FAM219A: variants seen among roughly 807,000 people sequenced by gnomAD.
FAM219A encodes protein FAM219A.
In FAM219A, 7 loss-of-function variants were observed where a neutral mutation model predicts 23.4. The ratio of observed to expected loss-of-function variants is 0.30; its 90% confidence interval spans 0.17 to 0.56. The LOEUF (loss-of-function observed/expected upper bound fraction) is 0.56. Ranked by LOEUF, FAM219A falls within the 20% of genes least tolerant of loss-of-function variation. The pLI is 0.92. For synonymous variants in FAM219A, 93 were observed against 99.0 expected (o/e 0.94, Z 0.36); for missense variants, 166 against 246.9 (o/e 0.67, Z 2.20).
intron 1 of FAM219A, among the ~76,000 whole-genome samples, chr9:34,454,788 A>G (rs191270529): frequency 1.8e-4 from 27 of 152,252 alleles, no homozygotes; most frequent in African/African-American, 6.5e-4. Flanking sequence ...TTCTCTTTCA[A>G]TTAAATAATT....
At chr9:34,413,469 A>G (rs1160406089) in intron 1 of FAM219A, among the ~76,000 whole-genome samples, 1 of 152,148 alleles carries the variant, frequency 6.6e-6, no homozygotes, top group Non-Finnish European at 1.5e-5. Context: ...TGGCCTGAAC[A>G]TGATAATCCA....
At chr9:34,419,544 T>C (rs752480834) in intron 1 of FAM219A, among the ~76,000 whole-genome samples, 3 of 152,170 alleles carry the variant, frequency 2.0e-5, no homozygotes, top group Non-Finnish European at 4.4e-5. Flanking sequence ...AGGAGAATAC[T>C]GCCCAGGAAT....
At chr9:34,451,256 A>G (rs1823551854) in intron 1 of FAM219A, among the ~76,000 whole-genome samples, 1 of 152,130 alleles carries the variant, frequency 6.6e-6, no homozygotes, top group Non-Finnish European at 1.5e-5. Context: ...GCCAATTTCT[A>G]AACTCCAGAG....
intron 4 of FAM219A, 37 bp downstream of exon 4, chr9:34,402,350 T>C (rs1281368044): frequency 1.2e-6 from 2 of 1,614,072 alleles, no homozygotes; most frequent in African/African-American, 1.3e-5. Context: ...ACAGGTTCCT[T>C]TGGGCTGCCC....
intron 1 of FAM219A, among the ~76,000 whole-genome samples, chr9:34,423,759 T>C: frequency 6.6e-6 from 1 of 151,716 alleles, no homozygotes; most frequent in East Asian, 1.9e-4. Flanking sequence ...TCAGTGTCAG[T>C]GGGGTTGGAA....
chr9:34,412,447 C>G (rs1221517092), intron 1 of FAM219A, among the ~76,000 whole-genome samples: 1 of 152,088 alleles, frequency 6.6e-6, no homozygotes, highest in Non-Finnish European at 1.5e-5. Flanking sequence ...CAGATGAGTT[C>G]ATTTGGGAAC....
intron 1 of FAM219A, among the ~76,000 whole-genome samples, chr9:34,428,082 G>A (rs541991505): frequency 2.6e-5 from 4 of 152,278 alleles, no homozygotes; most frequent in East Asian, 3.9e-4. Flanking sequence ...TACTGAGTTC[G>A]GAAGAATGGG....
chr9:34,410,287 G>A (rs1405276597), intron 1 of FAM219A, among the ~76,000 whole-genome samples: 1 of 152,202 alleles, frequency 6.6e-6, no homozygotes, highest in Middle Eastern at 3.2e-3. Flanking sequence ...TGTGGGTAGT[G>A]CAGTCAATAC....
intron 1 of FAM219A, among the ~76,000 whole-genome samples, chr9:34,428,839 A>G (rs1822585348): frequency 6.6e-6 from 1 of 152,262 alleles, no homozygotes; most frequent in Non-Finnish European, 1.5e-5. Context: ...GTGCATTAAA[A>G]GAGCCTGTGC....
chr9:34,425,308 C>T (rs1043640450), intron 1 of FAM219A, among the ~76,000 whole-genome samples: 5 of 151,926 alleles, frequency 3.3e-5, no homozygotes, highest in South Asian at 4.2e-4. Context: ...GGTGCAACCC[C>T]GTCTCTACCA....
intron 1 of FAM219A, among the ~76,000 whole-genome samples, chr9:34,423,627 T>C (rs1030917617): frequency 1.3e-5 from 2 of 152,180 alleles, no homozygotes; most frequent in Non-Finnish European, 2.9e-5. Context: ...TTTCAGCCCA[T>C]TGTCAGATTT....
chr9:34,414,914 C>A (rs543905458), intron 1 of FAM219A, among the ~76,000 whole-genome samples: 1 of 152,288 alleles, frequency 6.6e-6, no homozygotes, highest in South Asian at 2.1e-4. Flanking sequence ...AGGAAAGCAT[C>A]TTTTCTCTTT....
chr9:34,423,663 G>A (rs1822358821), intron 1 of FAM219A, among the ~76,000 whole-genome samples: 1 of 152,202 alleles, frequency 6.6e-6, no homozygotes, highest in South Asian at 2.1e-4. Flanking sequence ...TCTGGGAGCA[G>A]GTCCAAGGAA....
intron 1 of FAM219A, among the ~76,000 whole-genome samples, chr9:34,442,085 C>T (rs547750534): frequency 3.5e-4 from 53 of 152,276 alleles, no homozygotes; most frequent in African/African-American, 1.2e-3. Context: ...TTATGTGCTT[C>T]CTGGTATGAA....
intron 1 of FAM219A, among the ~76,000 whole-genome samples, chr9:34,441,132 CCCAGCTAAA>C (rs1410475285): frequency 1.3e-5 from 2 of 152,166 alleles, no homozygotes; most frequent in Non-Finnish European, 2.9e-5. Flanking sequence ...CGGCTTGTAG[CCCAGCTAAA>C]CAGGAAACCA....
In FAM219A at chr9:34,458,326, G is replaced by A; in HGVS notation, c.-63C>T. ...CCGCGGACGCCGACAGGACCGCGCG[G>A]GGCGGCGGCCCCAGGAGCCCGGCGG... On this transcript the variant is annotated 5_prime_UTR_variant, in exon 1 of 6. Transcript: ENST00000651358. The surrounding 1 kb of genome is among the most constrained non-coding windows in gnomAD (Gnocchi z 6.6). 1 of 1,192,790 alleles carries A rather than the reference G, an allele frequency of 8.4e-7. No individual in the cohort carries two copies. Among genetic ancestry groups the A allele is most frequent in the Non-Finnish European group, 1.0e-6 (1 of 957,624 alleles). 73.9% of individuals were successfully genotyped at this position (1,192,790 alleles called of 1,614,324 possible).
chr9:34,446,509 G>A (rs968423063), intron 1 of FAM219A, among the ~76,000 whole-genome samples: 8 of 152,210 alleles, frequency 5.3e-5, no homozygotes, highest in Non-Finnish European at 1.0e-4. Flanking sequence ...TACTTTGGAA[G>A]GACTAGGACA....
chr9:34,423,828 C>T (rs1822365048), intron 1 of FAM219A, among the ~76,000 whole-genome samples: 2 of 152,206 alleles, frequency 1.3e-5, no homozygotes, highest in Non-Finnish European at 2.9e-5. Flanking sequence ...CTAAGGCTGA[C>T]TGGATCTGGG....
At chr9:34,428,955 T>C (rs371177941) in intron 1 of FAM219A, among the ~76,000 whole-genome samples, 13 of 152,314 alleles carry the variant, frequency 8.5e-5, no homozygotes, top group African/African-American at 3.1e-4. Context: ...CTCTGCACAT[T>C]TTTTCACCCA....
Sources: gnomAD v4.1 joint callset for allele counts (sites outside exome capture counted in the v4.1 genomes callset) on GRCh38, gnomAD v4.1.1 for gene constraint, Gnocchi (gnomAD v3.1) non-coding constraint, MANE v1.5 for transcripts, NCBI Gene and HGNC (gene_info 2026-07-23, HGNC 2026-07-21) for gene names.